Variants in SLC38A8 observed in about 807,000 individuals in gnomAD.
SLC38A8 encodes solute carrier family 38 member 8.
A neutral mutation model predicts 46.0 loss-of-function variants in SLC38A8; 65 were observed. The ratio of observed to expected loss-of-function variants is 1.41; its 90% CI spans 1.16 to 1.74. SLC38A8 has a LOEUF of 1.74. SLC38A8 is among the 40% of genes most tolerant of loss of function. SLC38A8 has a pLI of 0.00. For synonymous variants in SLC38A8, 447 were observed against 243.7 expected (o/e 1.83, Z -7.77); for missense variants, 998 against 567.9 (o/e 1.76, Z -7.70).
At chr16:84,019,580 G>A (rs1036553646) in intron 7 of SLC38A8, among the ~76,000 whole-genome samples, 1 of 152,148 alleles carries the variant, frequency 6.6e-6, no homozygotes, top group Non-Finnish European at 1.5e-5. Flanking sequence ...TCAAACCACA[G>A]CATTCTGTCC....
At chr16:84,024,261 G>C (rs1046504718) in intron 6 of SLC38A8, among the ~76,000 whole-genome samples, 1 of 152,196 alleles carries the variant, frequency 6.6e-6, no homozygotes, top group African/African-American at 2.4e-5. Flanking sequence ...GTCATGAAGG[G>C]GTTCCCGGGG....
At chr16:84,019,167 C>T (rs1325206367) in intron 7 of SLC38A8, among the ~76,000 whole-genome samples, 2 of 151,998 alleles carry the variant, frequency 1.3e-5, no homozygotes, top group Non-Finnish European at 2.9e-5. Flanking sequence ...CTGTGCCTTC[C>T]AGGTTCAAGC....
intron 2 of SLC38A8, among the ~76,000 whole-genome samples, chr16:84,037,806 ATTTT>A (rs376247461): frequency 2.0e-5 from 2 of 102,246 alleles, no homozygotes; most frequent in African/African-American, 4.1e-5. Flanking sequence ...TTCAGCTTCA[ATTTT>A]TTTTTTTTTT....
chr16:84,036,941 C>T (rs375780907), intron 2 of SLC38A8, 41 bp from the exon 3 acceptor site: 27 of 1,548,140 alleles, frequency 1.7e-5, no homozygotes, highest in Non-Finnish European at 2.4e-5. Context: ...GGTGTGCCCA[C>T]AGCCCACCCA....
At chr16:84,020,924 CTT>C (rs2085087565) in intron 7 of SLC38A8, among the ~76,000 whole-genome samples, 1 of 152,210 alleles carries the variant, frequency 6.6e-6, no homozygotes, top group Non-Finnish European at 1.5e-5. Context: ...CTTTGGTTCT[CTT>C]TTGATGATCA....
intron 7 of SLC38A8, among the ~76,000 whole-genome samples, chr16:84,017,996 T>G (rs540599312): frequency 1.3e-5 from 2 of 152,264 alleles, no homozygotes; most frequent in South Asian, 4.1e-4. Context: ...CCCAGCAAGT[T>G]TCCTGGATAA....
chr16:84,010,549 C>G (rs1014580043), intron 10 of SLC38A8, among the ~76,000 whole-genome samples: 1 of 151,842 alleles, frequency 6.6e-6, no homozygotes, highest in Non-Finnish European at 1.5e-5. Context: ...CAAGACCAGC[C>G]TGGCCAACAT....
At chr16:84,021,541 A>G (rs2085096664) in intron 7 of SLC38A8, among the ~76,000 whole-genome samples, 1 of 152,202 alleles carries the variant, frequency 6.6e-6, no homozygotes, top group South Asian at 2.1e-4. Flanking sequence ...TTCCATGACT[A>G]ACTAGAGTAT....
chr16:84,028,001 G>C (rs1190257423), intron 6 of SLC38A8, among the ~76,000 whole-genome samples: 1 of 151,912 alleles, frequency 6.6e-6, no homozygotes, highest in Non-Finnish European at 1.5e-5. Flanking sequence ...CCCTGAAGCA[G>C]CACGCCGACT....
Position 84,036,769 on chromosome 16 carries a change from G to A in SLC38A8, c.321C>T (p.Cys107=). ...GPAIGKLCEA[C]FLLNLLMISV... ...AGATCATGAGCAGGTTGAGGAGGAA[G>A]CAGGCCTCACACAGCTTCCCAATGG... Residue 107 remains cysteine (C), a synonymous_variant, in exon 3 of 11, where the codon TGC becomes TGT. Transcript: ENST00000299709. 6.2e-7 allele frequency: 1 copy of A among 1,614,224 alleles called. No homozygotes were observed. Among genetic ancestry groups the A allele is most frequent in the Non-Finnish European group, 8.5e-7 (1 of 1,180,048 alleles).
chr16:84,014,012 G>A (rs964158723), intron 9 of SLC38A8, among the ~76,000 whole-genome samples: 2 of 151,632 alleles, frequency 1.3e-5, no homozygotes, highest in African/African-American at 4.8e-5. Flanking sequence ...CCTCAGCCCT[G>A]AAAGCCCCGC....
chr16:84,035,114 C>A (rs1005513258), intron 3 of SLC38A8, among the ~76,000 whole-genome samples: 1 of 152,212 alleles, frequency 6.6e-6, no homozygotes, highest in African/African-American at 2.4e-5. Context: ...GGCCCGTATC[C>A]TCATCCGTCC....
Position 84,029,619 on chromosome 16 carries a change from G to T in SLC38A8, c.633-68C>A, listed in dbSNP as rs928127333. On this transcript the variant is annotated intron_variant, in intron 5 of 10. Coordinates refer to ENST00000299709, the MANE Select transcript of SLC38A8 (RefSeq NM_001080442.3). Reference sequence around the variant, plus strand: ...ACCCGGAACAACCTGCGGCTGCAATGGTGAATTTTAAAGGATGCTGGGAAA... The same window carrying T: ...ACCCGGAACAACCTGCGGCTGCAATTGTGAATTTTAAAGGATGCTGGGAAA... 3.4e-6 allele frequency: 5 copies of T among 1,486,618 alleles called. No individual in the cohort carries two copies. The African/African-American group carries it at 5.6e-5, about 17-fold the overall frequency. The allele number at this position is 1,486,618 out of a possible 1,614,324, so 92.1% of individuals were successfully genotyped here.
Position 84,020,128 on chromosome 16 carries a change from C to T in SLC38A8, c.805+2647G>A, listed in dbSNP as rs1008104413. ...TCTGCAGTTGGACCCCTACGCTTTC[C>T]ACAACATCCGTTGTTTTTTTTTTTT... On this transcript the variant is annotated intron_variant, in intron 7 of 10. Coordinates refer to ENST00000299709, the MANE Select transcript of SLC38A8 (RefSeq NM_001080442.3). 2.0e-5 allele frequency among the ~76,000 whole-genome samples: 3 copies of T among 149,972 alleles called. No individual in the cohort carries two copies. In the South Asian group the frequency reaches 6.3e-4, roughly 31 times the overall value.
chr16:84,011,238 C>T (rs1353242045), intron 10 of SLC38A8, among the ~76,000 whole-genome samples: 1 of 152,136 alleles, frequency 6.6e-6, no homozygotes, highest in Non-Finnish European at 1.5e-5. Flanking sequence ...GCAGTTTTAA[C>T]GATAAAAATA....
chr16:84,024,279 C>T (rs2085134369), intron 6 of SLC38A8, among the ~76,000 whole-genome samples: 1 of 152,166 alleles, frequency 6.6e-6, no homozygotes, highest in African/African-American at 2.4e-5. Context: ...GGGGCTTGAC[C>T]ATGTCACATG....
chr16:84,033,553 G>A, intron 3 of SLC38A8, 84 bp from the exon 4 acceptor site: 1 of 1,457,092 alleles, frequency 6.9e-7, no homozygotes, highest in East Asian at 2.5e-5. Flanking sequence ...AACCCTGGCT[G>A]GGGTTGGACA....
chr16:84,041,919 G>T (rs745345743), intron 2 of SLC38A8, 50 bp downstream of exon 2: 7 of 1,504,246 alleles, frequency 4.7e-6, no homozygotes, highest in Non-Finnish European at 6.2e-6. Flanking sequence ...ACCCAGAAAA[G>T]CCAAAGCCAC....
chr16:84,022,076 G>A (rs1391924690), intron 7 of SLC38A8, among the ~76,000 whole-genome samples: 1 of 152,198 alleles, frequency 6.6e-6, no homozygotes, highest in African/African-American at 2.4e-5. Flanking sequence ...ACGTCTCAAT[G>A]CTACCACATC....
Sources: allele counts gnomAD v4.1 joint callset (sites outside exome capture counted in the v4.1 genomes callset), GRCh38; gene constraint gnomAD v4.1.1; transcripts MANE v1.5; gene names NCBI Gene and HGNC (gene_info 2026-07-23, HGNC 2026-07-21).